Variants in ALG6 observed in about 807,000 individuals in gnomAD.
ALG6 encodes the protein ALG6 alpha-1,3-glucosyltransferase, also known as dolichyl pyrophosphate Man9GlcNAc2 alpha-1,3-glucosyltransferase.
Under a neutral mutation model 66.6 loss-of-function variants are expected in ALG6, and 46 were observed. That is an observed-to-expected ratio of 0.69 (90% confidence interval 0.55 to 0.88). The LOEUF (loss-of-function observed/expected upper bound fraction) is 0.88. ALG6 is among the 40% of genes least tolerant of loss of function. The pLI, the probability that ALG6 is intolerant of heterozygous loss-of-function variation, is 0.00. For synonymous variants in ALG6, 185 were observed against 203.7 expected, an observed-to-expected ratio of 0.91 and a Z score of 0.78; for missense variants, 505 against 586.8, an observed-to-expected ratio of 0.86 and a Z score of 1.44.
intron 14 of ALG6, among the ~76,000 whole-genome samples, chr1:63,435,452 G>T (rs557785619): frequency 6.6e-6 from 1 of 152,152 alleles, no homozygotes; most frequent in South Asian, 2.1e-4. Flanking sequence ...TTTCCATTTG[G>T]AATGATCACT....
In ALG6 at chr1:63,411,242, A is replaced by G. The variant is rs753024606; in HGVS notation, c.591A>G (p.Ile197Met). ...LLGSLAFCLA[I>M]NYKQMELYHA... is the part of the protein sequence containing the mutation. ...GGTCACTGGCATTTTGCTTAGCTAT[A>G]AATTATAAACAGATGGAACTTTACC... Residue 197 changes from isoleucine to methionine, a missense_variant, in exon 8 of 15, where the codon ATA (isoleucine) becomes ATG (methionine). Ile to Met is a conservative substitution (Grantham distance 10). Transcript: ENST00000263440. The G allele has an allele frequency of 4.3e-5, 70 of 1,613,876 alleles. No homozygotes were observed. Among genetic ancestry groups the G allele is most frequent in the Middle Eastern group, 1.6e-4 (1 of 6,082 alleles).
intron 3 of ALG6, among the ~76,000 whole-genome samples, chr1:63,400,994 G>T (rs76776100): frequency 6.6e-6 from 1 of 150,858 alleles, no homozygotes; most frequent in Non-Finnish European, 1.5e-5. Flanking sequence ...TGCCTGGCCC[G>T]GTTTCCCAGA....
intron 1 of ALG6, among the ~76,000 whole-genome samples, chr1:63,368,024 C>T (rs12741716): frequency 0.065 from 9,877 of 152,182 alleles, 353 homozygotes; most frequent in Non-Finnish European, 0.082. Flanking sequence ...GCTGCACTCC[C>T]CGGTGTTGTG....
Position 63,429,088 on chromosome 1 carries a change from C to A in ALG6, c.1288C>A (p.Pro430Thr). 6.2e-7 allele frequency: 1 copy of A among 1,603,436 alleles called. No homozygotes were observed. Among genetic ancestry groups the A allele is most frequent in the Non-Finnish European group, 8.5e-7 (1 of 1,174,346 alleles). Residue 430 changes from proline (P) to threonine (T), a missense_variant, in exon 14 of 15, where the codon CCA (proline) becomes ACA (threonine). Pro to Thr is a conservative substitution (Grantham distance 38). Coordinates refer to ENST00000263440, the MANE Select transcript of ALG6 (RefSeq NM_013339.4). Reference sequence around the variant, plus strand: ...TTCCATTTCTGTGAGGAAATATCTTCCATGTTTTACATTTCTTTCCAGAAT... The same window carrying A: ...TTCCATTTCTGTGAGGAAATATCTTACATGTTTTACATTTCTTTCCAGAAT... ...SFSISVRKYL[P>T]CFTFLSRIIQ...
chr1:63,389,138 A>G (rs942153969), intron 2 of ALG6, among the ~76,000 whole-genome samples: 2 of 152,116 alleles, frequency 1.3e-5, no homozygotes, highest in East Asian at 1.9e-4. Flanking sequence ...GTTCTCAGTT[A>G]TTATCCCTTT....
rs1445233422 is a variant in ALG6, at chr1:63,438,145, G to T, written c.*1125G>T. On this transcript the variant is annotated 3_prime_UTR_variant, in exon 15 of 15. Transcript: ENST00000263440. ...ATCAAACCACATACAAAAAAAAACT[G>T]GTTCTAGACACGGACAGTCACAGGC... is the stretch of plus-strand genomic sequence containing the variant. 6.6e-6 allele frequency: 1 copy of T among 151,608 alleles called. No individual in the cohort carries two copies. Among genetic ancestry groups the T allele is most frequent in the Non-Finnish European group, 1.5e-5 (1 of 67,990 alleles). 9.4% of individuals were successfully genotyped at this position (151,608 alleles called of 1,614,324 possible).
At chr1:63,421,621 C>T (rs560289979) in intron 12 of ALG6, among the ~76,000 whole-genome samples, 1 of 152,198 alleles carries the variant, frequency 6.6e-6, no homozygotes, top group East Asian at 1.9e-4. Context: ...TTGGAACAAA[C>T]CCAGATGCCC....
intron 12 of ALG6, among the ~76,000 whole-genome samples, chr1:63,424,837 G>A (rs1433493399): frequency 6.9e-6 from 1 of 144,278 alleles, no homozygotes; most frequent in Non-Finnish European, 1.5e-5. Context: ...AGAGTACAGT[G>A]GTGCAATCTT....
At chr1:63,393,103 A>G (rs972919925) in intron 2 of ALG6, among the ~76,000 whole-genome samples, 1 of 152,178 alleles carries the variant, frequency 6.6e-6, no homozygotes, top group Non-Finnish European at 1.5e-5. Flanking sequence ...ATCCCAGTGG[A>G]CCAAAAACAA....
chr1:63,375,126 G>A (rs182985418), intron 2 of ALG6, among the ~76,000 whole-genome samples: 32 of 152,134 alleles, frequency 2.1e-4, no homozygotes, highest in Admixed American at 3.3e-4. Context: ...GCTTGAACCC[G>A]GGAGGCGGAG....
intron 2 of ALG6, among the ~76,000 whole-genome samples, chr1:63,371,854 C>T (rs1408160023): frequency 2.6e-5 from 4 of 152,114 alleles, no homozygotes; most frequent in South Asian, 2.1e-4. Flanking sequence ...CCACTTGCCT[C>T]GGCCTCCCAA....
chr1:63,397,592 C>T (rs567456321), intron 3 of ALG6, among the ~76,000 whole-genome samples: 3 of 152,218 alleles, frequency 2.0e-5, no homozygotes, highest in Non-Finnish European at 2.9e-5. Context: ...TATATTGAAC[C>T]GTCTGTTTCT....
intron 10 of ALG6, among the ~76,000 whole-genome samples, chr1:63,414,710 G>A (rs1185264098): frequency 6.6e-6 from 1 of 152,230 alleles, no homozygotes; most frequent in Non-Finnish European, 1.5e-5. Context: ...ATGTTGAAGA[G>A]TCATGATATT....
chr1:63,401,599 C>G (rs186345634), intron 3 of ALG6, among the ~76,000 whole-genome samples: 2,059 of 148,770 alleles, frequency 0.014, 36 homozygotes, highest in African/African-American at 0.048. Context: ...AAAAAAAAAA[C>G]CCAGGAGGCG....
chr1:63,387,785 G>T (rs1648548854), intron 2 of ALG6, among the ~76,000 whole-genome samples: 1 of 151,762 alleles, frequency 6.6e-6, no homozygotes, highest in South Asian at 2.1e-4. Flanking sequence ...CAGGCAATCC[G>T]CCTGCCTCAG....
intron 14 of ALG6, chr1:63,429,812 A>G (rs562295638): frequency 1.9e-4 from 29 of 152,076 alleles, no homozygotes; most frequent in African/African-American, 6.8e-4. Flanking sequence ...AACATGGGAT[A>G]ATAAAATTGT....
At chr1:63,390,400 T>G (rs1450543562) in intron 2 of ALG6, among the ~76,000 whole-genome samples, 1 of 152,088 alleles carries the variant, frequency 6.6e-6, no homozygotes, top group Non-Finnish European at 1.5e-5. Context: ...CAAGACAAAG[T>G]CCTCTTTTAC....
intron 14 of ALG6, among the ~76,000 whole-genome samples, chr1:63,436,239 C>G (rs1021903888): frequency 4.6e-5 from 7 of 152,096 alleles, no homozygotes; most frequent in African/African-American, 1.7e-4. Flanking sequence ...TCATGTAATG[C>G]ATGAAGATCA....
rs956568422 is a variant in ALG6, at chr1:63,414,157, C to T, written c.902+11C>T. The T allele has an allele frequency of 2.6e-6, 4 of 1,556,770 alleles. No individual in the cohort carries two copies. In the African/African-American group the frequency reaches 5.4e-5, roughly 21 times the overall value. On this transcript the variant is annotated intron_variant, in intron 10 of 14. Coordinates refer to ENST00000263440, the MANE Select transcript of ALG6 (RefSeq NM_013339.4). ...CCAATTAATAATGAGGTAAGAGAAACAAAGTTTGTATGTAGTATTTTATAA... is the reference window on the plus strand; with the variant it reads ...CCAATTAATAATGAGGTAAGAGAAATAAAGTTTGTATGTAGTATTTTATAA...
Sources: allele counts gnomAD v4.1 joint callset (sites outside exome capture counted in the v4.1 genomes callset), GRCh38; gene constraint gnomAD v4.1.1; transcripts MANE v1.5; gene names NCBI Gene and HGNC (gene_info 2026-07-23, HGNC 2026-07-21).